CSMD1: variants seen among roughly 807,000 people sequenced by gnomAD.
The protein encoded by CSMD1 is CUB and sushi domain-containing protein 1.
Under a neutral mutation model 417.5 loss-of-function variants are expected in CSMD1, and 213 were observed. That is an observed-to-expected ratio of 0.51 (90% confidence interval 0.46 to 0.57). CSMD1 has a LOEUF of 0.57. CSMD1 is among the 20% of genes least tolerant of loss of function. The pLI is 0.00. For synonymous variants in CSMD1, 2,862 were observed against 1,736.8 expected (o/e 1.65, Z -16.11); for missense variants, 6,923 against 4,529.7 (o/e 1.53, Z -15.17).
intron 6 of CSMD1, among the ~76,000 whole-genome samples, chr8:3,736,082 T>A (rs1469487717): frequency 6.6e-6 from 1 of 152,162 alleles, no homozygotes; most frequent in Non-Finnish European, 1.5e-5. Context: ...ATAATATAAA[T>A]TCTACGTTTC....
At chr8:3,890,009 C>T (rs1481148340) in intron 5 of CSMD1, among the ~76,000 whole-genome samples, 1 of 151,996 alleles carries the variant, frequency 6.6e-6, no homozygotes, top group Admixed American at 6.6e-5. Context: ...TAGGGAGATC[C>T]CTTCTCAAAA....
At chr8:4,464,767 G>C (rs184116357) in intron 2 of CSMD1, among the ~76,000 whole-genome samples, 2 of 152,170 alleles carry the variant, frequency 1.3e-5, no homozygotes, top group African/African-American at 4.8e-5. Flanking sequence ...GAGTCCTGCT[G>C]AGTGGGGTGG....
At chr8:3,775,572 C>G (rs1449263849) in intron 5 of CSMD1, among the ~76,000 whole-genome samples, 1 of 152,144 alleles carries the variant, frequency 6.6e-6, no homozygotes, top group Non-Finnish European at 1.5e-5. Context: ...CAAATGATCT[C>G]CAGTGTGGAC....
chr8:3,748,916 T>G (rs1797184537), intron 6 of CSMD1, among the ~76,000 whole-genome samples: 1 of 152,222 alleles, frequency 6.6e-6, no homozygotes, highest in Admixed American at 6.5e-5. Context: ...GAATGTTCCC[T>G]ATAAAAATTG....
At chr8:3,820,779 T>G (rs149268122) in intron 5 of CSMD1, among the ~76,000 whole-genome samples, 107 of 152,262 alleles carry the variant, frequency 7.0e-4, no homozygotes, top group African/African-American at 2.5e-3. Context: ...TGATGGGGTT[T>G]CGCCATGTTG....
At chr8:4,797,908 G>A (rs1374928831) in intron 1 of CSMD1, among the ~76,000 whole-genome samples, 1 of 152,184 alleles carries the variant, frequency 6.6e-6, no homozygotes, top group East Asian at 1.9e-4. Flanking sequence ...AAATTCCACA[G>A]AAGGGCATGA....
At chr8:4,979,872 C>G (rs1810779263) in intron 1 of CSMD1, among the ~76,000 whole-genome samples, 1 of 151,754 alleles carries the variant, frequency 6.6e-6, no homozygotes, top group Non-Finnish European at 1.5e-5. Context: ...CCCATCTCTA[C>G]TAAAAATACA....
In CSMD1 at chr8:2,937,890, ATTTT is replaced by A. The variant is rs3214964; in HGVS notation, c.*691_*694del. Reference sequence around the variant, plus strand: ...TGTATAAACCCTGTGTAAATAATTTATTTTTTTTATCAGAATCTTAGTCATTCAT... The same window carrying A: ...TGTATAAACCCTGTGTAAATAATTTATTTTATCAGAATCTTAGTCATTCAT... On this transcript the variant is annotated 3_prime_UTR_variant, in exon 70 of 70. Transcript: ENST00000635120. 1 of 152,340 alleles carries A rather than the reference ATTTT, an allele frequency of 6.6e-6. No individual in the cohort carries two copies. Among genetic ancestry groups the A allele is most frequent in the African/African-American group, 2.4e-5 (1 of 41,350 alleles). The allele number at this position is 152,340 out of a possible 1,614,324, so 9.4% of individuals were successfully genotyped here.
intron 39 of CSMD1, among the ~76,000 whole-genome samples, chr8:3,154,939 T>C (rs1819426323): frequency 6.6e-6 from 1 of 152,158 alleles, no homozygotes; most frequent in Admixed American, 6.5e-5. Context: ...AAAAAACCTT[T>C]TAATCACTAG....
intron 2 of CSMD1, among the ~76,000 whole-genome samples, chr8:4,619,648 T>A (rs1340892854): frequency 6.6e-6 from 1 of 152,124 alleles, no homozygotes; most frequent in African/African-American, 2.4e-5. Context: ...ACATGGGACG[T>A]CATATTTTTA....
intron 5 of CSMD1, among the ~76,000 whole-genome samples, chr8:3,906,322 T>G (rs1268734561): frequency 1.3e-5 from 2 of 152,190 alleles, no homozygotes; most frequent in African/African-American, 4.8e-5. Context: ...AACATCAATT[T>G]GGTGTACTAA....
chr8:3,992,109 G>A (rs557789362), intron 5 of CSMD1, among the ~76,000 whole-genome samples: 5 of 146,652 alleles, frequency 3.4e-5, no homozygotes, highest in Admixed American at 6.9e-5. Flanking sequence ...AAGAAAAGGA[G>A]AAATGTGTAT....
chr8:4,531,264 T>C (rs918445340), intron 2 of CSMD1, among the ~76,000 whole-genome samples: 15 of 152,132 alleles, frequency 9.9e-5, no homozygotes, highest in Non-Finnish European at 1.8e-4. Flanking sequence ...CATATGACAA[T>C]CCATTAATTA....
At chr8:2,983,652 C>T (rs1805612707) in intron 54 of CSMD1, among the ~76,000 whole-genome samples, 1 of 152,084 alleles carries the variant, frequency 6.6e-6, no homozygotes, top group South Asian at 2.1e-4. Flanking sequence ...CTAATCGTAA[C>T]CCAAAGTAAA....
chr8:4,857,111 C>G (rs1236533940), intron 1 of CSMD1, among the ~76,000 whole-genome samples: 1 of 150,946 alleles, frequency 6.6e-6, no homozygotes, highest in African/African-American at 2.4e-5. Flanking sequence ...GATTAAGAAT[C>G]TCACTCACAA....
In CSMD1 at chr8:3,931,739, C is replaced by G. The variant is rs746504759; in HGVS notation, c.818+66164G>C. Among the ~76,000 whole-genome samples the G allele has an allele frequency of 4.7e-5, 7 of 148,752 alleles. 1 individual carries two copies. Among genetic ancestry groups the G allele is most frequent in the East Asian group, 4.0e-4 (2 of 4,998 alleles). ...AGCATTACAAGGCTTTAATCTCAATCCACACCAGAGGAAACAAGGTGAGCA... is the reference window on the plus strand; with the variant it reads ...AGCATTACAAGGCTTTAATCTCAATGCACACCAGAGGAAACAAGGTGAGCA... On this transcript the variant is annotated intron_variant, in intron 5 of 69. Coordinates refer to ENST00000635120, the MANE Select transcript of CSMD1 (RefSeq NM_033225.6).
intron 1 of CSMD1, among the ~76,000 whole-genome samples, chr8:4,726,745 G>A (rs1361686375): frequency 1.3e-5 from 2 of 152,102 alleles, no homozygotes; most frequent in South Asian, 2.1e-4. Context: ...CATGGGCTGG[G>A]TTATGACTGC....
intron 1 of CSMD1, among the ~76,000 whole-genome samples, chr8:4,836,485 G>A (rs193123963): frequency 8.5e-5 from 13 of 152,122 alleles, no homozygotes; most frequent in South Asian, 4.2e-4. Flanking sequence ...TCTTGAATAC[G>A]GCAGACAGCT....
rs1021398390 is a variant in CSMD1 at position 4,420,201 on chromosome 8, A to G, written c.303-136T>C. 3.5e-5 allele frequency: 19 copies of G among 539,004 alleles called. No individual in the cohort carries two copies. The Admixed American group carries it at 5.4e-4, about 15-fold the overall frequency. 33.4% of individuals were successfully genotyped at this position (539,004 alleles called of 1,614,324 possible). A position where few individuals can be genotyped will look rare whatever the true frequency, so the allele number is the denominator to read the frequency against. ...ATGGCATTAAACACTTAGATAATCCATACACATAGCTTTGGTTGTTAAGTA... is the reference window on the plus strand; with the variant it reads ...ATGGCATTAAACACTTAGATAATCCGTACACATAGCTTTGGTTGTTAAGTA... On this transcript the variant is annotated intron_variant, in intron 2 of 69. Transcript: ENST00000635120.
Sources: gnomAD v4.1 joint callset for allele counts (sites outside exome capture counted in the v4.1 genomes callset) on GRCh38, gnomAD v4.1.1 for gene constraint, MANE v1.5 for transcripts, NCBI Gene and HGNC (gene_info 2026-07-23, HGNC 2026-07-21) for gene names.